The following ADGRV1 variants were observed in gnomAD, a reference collection of about 807,000 sequenced individuals.
ADGRV1 encodes adhesion G protein-coupled receptor V1.
In ADGRV1, 359 loss-of-function variants were observed where a neutral mutation model predicts 596.2. That is an observed-to-expected ratio of 0.60 (90% CI 0.55 to 0.66). The LOEUF (loss-of-function observed/expected upper bound fraction) is 0.66. ADGRV1 is among the 30% of genes least tolerant of loss of function. The probability of loss-of-function intolerance (pLI) is 0.00; values close to 1 mark genes in which losing one functional copy is unlikely to be tolerated. For missense variants in ADGRV1, 7,274 were observed against 7,575.6 expected, an observed-to-expected ratio of 0.96 and a Z score of 1.48; for synonymous variants, 2,681 against 2,679.2, an observed-to-expected ratio of 1.00 and a Z score of -0.02.
At chr5:90,936,763 A>C (rs1775727599) in intron 83 of ADGRV1, among the ~76,000 whole-genome samples, 1 of 152,132 alleles carries the variant, frequency 6.6e-6, no homozygotes. Context: ...ACAGTTAATA[A>C]TTTCTATTTT....
chr5:90,750,751 T>G lies in ADGRV1; in HGVS notation c.11121+54T>G, dbSNP rs1435741901. Reference sequence around the variant, plus strand: ...ACTTTTAAATTATGGTTACTAGTGATGTATGGGACCAAATCCTGCCTTATG... The same window carrying G: ...ACTTTTAAATTATGGTTACTAGTGAGGTATGGGACCAAATCCTGCCTTATG... On this transcript the variant is annotated intron_variant, in intron 53 of 89. Coordinates refer to ENST00000405460, the MANE Select transcript of ADGRV1 (RefSeq NM_032119.4). 1.5e-5 allele frequency: 21 copies of G among 1,417,688 alleles called. No individual in the cohort carries two copies. The Admixed American group carries it at 3.6e-4, about 24-fold the overall frequency. The allele number at this position is 1,417,688 out of a possible 1,614,324, so 87.8% of individuals were successfully genotyped here.
At chr5:90,757,242 G>T (rs1307796065) in intron 57 of ADGRV1, 81 bp downstream of exon 57, 2 of 1,063,080 alleles carry the variant, frequency 1.9e-6, no homozygotes, top group African/African-American at 3.1e-5. Context: ...AATGTACATT[G>T]GTGATTGCTA....
intron 53 of ADGRV1, among the ~76,000 whole-genome samples, 156 bp downstream of exon 53, chr5:90,750,853 A>G (rs945962571): frequency 3.3e-5 from 5 of 152,196 alleles, no homozygotes; most frequent in African/African-American, 1.2e-4. Context: ...ATTTAAGGTT[A>G]GTTTTCTGGT....
chr5:90,935,627 G>C (rs1431257920), intron 83 of ADGRV1, among the ~76,000 whole-genome samples: 1 of 152,158 alleles, frequency 6.6e-6, no homozygotes, highest in Non-Finnish European at 1.5e-5. Context: ...TGTTGTTGTT[G>C]CTATTTAGTT....
intron 79 of ADGRV1, among the ~76,000 whole-genome samples, chr5:90,850,117 G>A (rs1641038268): frequency 6.6e-6 from 1 of 152,146 alleles, no homozygotes; most frequent in African/African-American, 2.4e-5. Flanking sequence ...AGCCCCTGCT[G>A]GACACCTGTG....
intron 79 of ADGRV1, among the ~76,000 whole-genome samples, chr5:90,850,351 T>A (rs1213610431): frequency 1.3e-5 from 2 of 152,180 alleles, no homozygotes; most frequent in African/African-American, 2.4e-5. Context: ...AAGCCTCACA[T>A]GGGGCTTTTG....
At chr5:90,846,755 C>T (rs1311960127) in intron 78 of ADGRV1, among the ~76,000 whole-genome samples, 6 of 152,166 alleles carry the variant, frequency 3.9e-5, no homozygotes, top group African/African-American at 1.4e-4. Flanking sequence ...CAAGGGGACC[C>T]GAGCAGGTTG....
intron 9 of ADGRV1, among the ~76,000 whole-genome samples, chr5:90,633,610 A>G (rs1765774653): frequency 1.3e-5 from 2 of 151,840 alleles, no homozygotes; most frequent in African/African-American, 4.8e-5. Flanking sequence ...TTTGTAAGAT[A>G]AATAAATATA....
In ADGRV1 at chr5:90,798,972, A is replaced by G. The variant is rs13180421; in HGVS notation, c.14518-3767A>G. Among the ~76,000 whole-genome samples, 950 of 152,320 alleles carry G rather than the reference A, an allele frequency of 6.2e-3. 3 individuals carry two copies. Among genetic ancestry groups the G allele is most frequent in the Non-Finnish European group, 1.0e-2 (680 of 68,020 alleles). On this transcript the variant is annotated intron_variant, in intron 70 of 89. Coordinates refer to ENST00000405460, the MANE Select transcript of ADGRV1 (RefSeq NM_032119.4). ...ATGACAAACCCACAACCAATATCAT[A>G]CTGAATGGGCAATAACTAGAAGCAT...
chr5:90,927,931 C>A (rs1432110602), intron 83 of ADGRV1, among the ~76,000 whole-genome samples: 2 of 152,100 alleles, frequency 1.3e-5, no homozygotes, highest in African/African-American at 4.8e-5. Flanking sequence ...GTTGAAAATT[C>A]TTTTCTTTAA....
At chr5:90,702,405 T>C (rs1748021886) in intron 34 of ADGRV1, among the ~76,000 whole-genome samples, 1 of 151,946 alleles carries the variant, frequency 6.6e-6, no homozygotes. Flanking sequence ...TTAAGAAGCC[T>C]TTCTAATGCT....
chr5:90,705,313 C>T lies in ADGRV1; in HGVS notation c.8387-87C>T, dbSNP rs890553341. The T allele has an allele frequency of 1.0e-5, 11 of 1,089,896 alleles. No individual in the cohort carries two copies. In the African/African-American group the frequency reaches 1.7e-4, roughly 17 times the overall value. The allele number at this position is 1,089,896 out of a possible 1,614,324, so 67.5% of individuals were successfully genotyped here. On this transcript the variant is annotated intron_variant, in intron 36 of 89. Coordinates refer to ENST00000405460, the MANE Select transcript of ADGRV1 (RefSeq NM_032119.4). ...GAAGTAAATAGAACACTTTTGATTA[C>T]CTTAATGTTTCAGAGAGTGAGGCTA...
intron 25 of ADGRV1, among the ~76,000 whole-genome samples, chr5:90,678,006 G>A (rs370047217): frequency 2.0e-5 from 3 of 152,156 alleles, no homozygotes; most frequent in African/African-American, 4.8e-5. Flanking sequence ...GATGTCTTAC[G>A]CTAGCCAAAG....
chr5:91,022,176 A>G (rs1783691562), intron 85 of ADGRV1, among the ~76,000 whole-genome samples: 1 of 152,084 alleles, frequency 6.6e-6, no homozygotes, highest in African/African-American at 2.4e-5. Context: ...TAGCATAATC[A>G]TTATCTTTTT....
chr5:90,737,962 CATTATTTGT>C, intron 50 of ADGRV1, among the ~76,000 whole-genome samples: 1 of 151,960 alleles, frequency 6.6e-6, no homozygotes, highest in East Asian at 1.9e-4. Flanking sequence ...ACTGCCCTTT[CATTATTTGT>C]TTTCTGTTTG....
At position 90,683,742 on chromosome 5, in the gene ADGRV1, C is replaced by T; in HGVS notation, c.5821C>T (p.Pro1941Ser). Reference protein sequence around the residue: ...ITVEILPDEDPELDKAFSVSV... With the variant: ...ITVEILPDEDSELDKAFSVSV... The stretch of plus-strand genomic sequence containing the variant: ...TGTGGAGATATTGCCTGACGAAGAC[C>T]CAGAACTGGATAAGGCATTCTCTGT... Residue 1941 changes from proline to serine, a missense_variant, in exon 28 of 90, where the codon CCA becomes TCA. By Grantham distance (74) the Pro-to-Ser change is moderately conservative. Transcript: ENST00000405460. 2.5e-6 allele frequency: 4 copies of T among 1,613,764 alleles called. No homozygotes were observed. Among genetic ancestry groups the T allele is most frequent in the Non-Finnish European group, 3.4e-6 (4 of 1,179,852 alleles).
At chr5:90,755,574 C>T (rs1487991262) in intron 55 of ADGRV1, among the ~76,000 whole-genome samples, 1 of 151,724 alleles carries the variant, frequency 6.6e-6, no homozygotes, top group Non-Finnish European at 1.5e-5. Flanking sequence ...CAGTATTTTC[C>T]TTTCATGATA....
At chr5:91,061,313 G>A (rs1050782174) in intron 85 of ADGRV1, among the ~76,000 whole-genome samples, 3 of 152,194 alleles carry the variant, frequency 2.0e-5, no homozygotes, top group African/African-American at 7.2e-5. Flanking sequence ...TTGGCAAGCG[G>A]TGTCCAGTGG....
At chr5:90,738,989 C>A (rs1753609709) in intron 50 of ADGRV1, among the ~76,000 whole-genome samples, 1 of 151,734 alleles carries the variant, frequency 6.6e-6, no homozygotes, top group Non-Finnish European at 1.5e-5. Flanking sequence ...CTTTTTCATT[C>A]TTTTTTATTT....
Sources: gnomAD v4.1 joint callset for allele counts (sites outside exome capture counted in the v4.1 genomes callset) on GRCh38, gnomAD v4.1.1 for gene constraint, MANE v1.5 for transcripts, NCBI Gene and HGNC (gene_info 2026-07-23, HGNC 2026-07-21) for gene names.